The following BNC2 variants were observed in gnomAD, a reference collection of about 807,000 sequenced individuals.
BNC2 encodes zinc finger protein basonuclin-2.
Under a neutral mutation model 76.3 loss-of-function variants are expected in BNC2, and 20 were observed. The observed-to-expected ratio is 0.26, with a 90% CI of 0.18 to 0.38. The LOEUF is 0.38. Among genes scored for constraint, BNC2 ranks in the 10% least tolerant of loss-of-function variants. BNC2 has a pLI of 1.00. For missense variants in BNC2, 1,382 were observed against 1,399.8 expected (o/e 0.99, Z 0.20); for synonymous variants, 582 against 514.8 (o/e 1.13, Z -1.77).
intron 1 of BNC2, among the ~76,000 whole-genome samples, chr9:16,772,110 T>A (rs1825848036): frequency 6.6e-6 from 1 of 152,218 alleles, no homozygotes; most frequent in Admixed American, 6.5e-5. Flanking sequence ...GTTTTTCCTT[T>A]ATTTCTTGAA....
chr9:16,699,083 G>C, intron 3 of BNC2: 2 of 416,604 alleles, frequency 4.8e-6, no homozygotes, highest in Admixed American at 3.0e-5. Context: ...AGTTACTTTT[G>C]GTTTGGGTAG....
At chr9:16,766,101 A>G (rs779734026) in intron 1 of BNC2, among the ~76,000 whole-genome samples, 9 of 152,168 alleles carry the variant, frequency 5.9e-5, no homozygotes, top group Non-Finnish European at 1.2e-4. Flanking sequence ...TAATTTCTTA[A>G]GTGTACCCTG....
At chr9:16,645,951 C>T (rs1041518912) in intron 3 of BNC2, among the ~76,000 whole-genome samples, 2 of 152,118 alleles carry the variant, frequency 1.3e-5, no homozygotes, top group Non-Finnish European at 1.5e-5. Flanking sequence ...GATACATTAT[C>T]GAAAATACAC....
At chr9:16,549,740 G>T (rs1168254312) in intron 5 of BNC2, among the ~76,000 whole-genome samples, 1 of 151,956 alleles carries the variant, frequency 6.6e-6, no homozygotes, top group South Asian at 2.1e-4. Flanking sequence ...AACAGTTTTG[G>T]TGTTCTGGGA....
chr9:16,818,126 CG>C (rs1563957170), intron 1 of BNC2, among the ~76,000 whole-genome samples: 4 of 152,090 alleles, frequency 2.6e-5, no homozygotes. Context: ...AAATTTAGGC[CG>C]GGCACGGTGG....
chr9:16,473,161 AACCTT>A (rs1344575956), intron 5 of BNC2: 2 of 152,254 alleles, frequency 1.3e-5, no homozygotes, highest in African/African-American at 4.8e-5. Flanking sequence ...GTCACAGTGG[AACCTT>A]ACATCTCTGC....
chr9:16,804,449 C>T (rs7861591), intron 1 of BNC2, among the ~76,000 whole-genome samples: 14,200 of 152,258 alleles, frequency 0.093, 914 homozygotes, highest in Admixed American at 0.21. Context: ...GTATGCTATA[C>T]TCTATGCATG....
chr9:16,750,934 C>T (rs13285058), intron 1 of BNC2, among the ~76,000 whole-genome samples: 131,002 of 152,252 alleles, frequency 0.86, 56,757 homozygotes, highest in Non-Finnish European at 0.91. Context: ...GATGCTTCCA[C>T]TGACTGGTAC....
chr9:16,434,907 G>A (rs535103542), intron 6 of BNC2: 27 of 466,314 alleles, frequency 5.8e-5, no homozygotes, highest in African/African-American at 1.4e-4. Context: ...AAACCCACAC[G>A]ACCATACCAT....
chr9:16,583,117 A>G (rs373701620), intron 3 of BNC2, 32 bp from the exon 4 acceptor site: 49 of 1,551,416 alleles, frequency 3.2e-5, no homozygotes, highest in Non-Finnish European at 3.7e-5. Context: ...AAAGGTCAGC[A>G]TCTGTTCAAA....
rs551226654 is a variant in BNC2, at chr9:16,817,054, T to G, written c.3+53592A>C. Among the ~76,000 whole-genome samples the G allele has an allele frequency of 3.3e-5, 5 of 152,322 alleles. No individual in the cohort carries two copies. In the East Asian group the frequency reaches 9.7e-4, roughly 29 times the overall value. On this transcript the variant is annotated intron_variant, in intron 1 of 6. Coordinates refer to ENST00000380672, the MANE Select transcript of BNC2 (RefSeq NM_017637.6). Reference sequence around the variant, plus strand: ...GCCTTTCCATTTAGGAAAACCTTCCTGCATTCCAGCTCACTTTTCCATCTA... The same window carrying G: ...GCCTTTCCATTTAGGAAAACCTTCCGGCATTCCAGCTCACTTTTCCATCTA...
At chr9:16,794,350 A>C (rs10962597) in intron 1 of BNC2, among the ~76,000 whole-genome samples, 75,649 of 152,036 alleles carry the variant, frequency 0.5, 25,341 homozygotes, top group Non-Finnish European at 0.75. Context: ...ATCATGACTG[A>C]GCTTTTTTCA....
At chr9:16,651,340 A>G (rs1041042742) in intron 3 of BNC2, among the ~76,000 whole-genome samples, 2 of 152,216 alleles carry the variant, frequency 1.3e-5, no homozygotes, top group African/African-American at 4.8e-5. Flanking sequence ...TTAACCTTAG[A>G]TTTCAGCTAT....
chr9:16,685,465 G>T, intron 3 of BNC2: 1 of 825,124 alleles, frequency 1.2e-6, no homozygotes, highest in Non-Finnish European at 1.8e-6. Flanking sequence ...TCCTGATGAC[G>T]CTGATATACC....
intron 1 of BNC2, among the ~76,000 whole-genome samples, chr9:16,780,390 G>A (rs1386241192): frequency 1.3e-5 from 2 of 151,802 alleles, no homozygotes; most frequent in African/African-American, 4.8e-5. Flanking sequence ...TGGCCAACAT[G>A]GGGAAACCCC....
intron 5 of BNC2, among the ~76,000 whole-genome samples, chr9:16,471,475 G>C (rs1384265331): frequency 6.6e-6 from 1 of 152,000 alleles, no homozygotes; most frequent in Non-Finnish European, 1.5e-5. Context: ...TGTAGTTTTA[G>C]TAGAGACAGG....
At chr9:16,566,379 T>C (rs1819167733) in intron 4 of BNC2, among the ~76,000 whole-genome samples, 1 of 152,194 alleles carries the variant, frequency 6.6e-6, no homozygotes, top group African/African-American at 2.4e-5. Context: ...CTTAATTTCA[T>C]CCATGTCCCT....
chr9:16,637,940 G>T (rs922472512), intron 3 of BNC2, among the ~76,000 whole-genome samples: 1 of 152,202 alleles, frequency 6.6e-6, no homozygotes, highest in African/African-American at 2.4e-5. Flanking sequence ...ATATATTTTG[G>T]AGGGAACATG....
intron 5 of BNC2, among the ~76,000 whole-genome samples, chr9:16,484,740 T>C (rs975932414): frequency 6.6e-6 from 1 of 152,178 alleles, no homozygotes; most frequent in Non-Finnish European, 1.5e-5. Flanking sequence ...AGGTGCTACA[T>C]TTCACTGTGC....
Sources: gnomAD v4.1 joint callset for allele counts (sites outside exome capture counted in the v4.1 genomes callset) on GRCh38, gnomAD v4.1.1 for gene constraint, MANE v1.5 for transcripts, NCBI Gene and HGNC (gene_info 2026-07-23, HGNC 2026-07-21) for gene names.